Variants in CREG2 observed in about 807,000 individuals in gnomAD.
The protein encoded by CREG2 is protein CREG2.
CREG2 carries 24 observed loss-of-function variants against 26.2 expected under a neutral mutation model. The observed-to-expected ratio is 0.92, with a 90% CI of 0.66 to 1.29. The LOEUF (loss-of-function observed/expected upper bound fraction) is 1.29. Among genes scored for constraint, CREG2 ranks in the 50% most tolerant of loss-of-function variants. The pLI is 0.00. For synonymous variants in CREG2, 174 were observed against 169.2 expected (o/e 1.03, Z -0.22); for missense variants, 366 against 398.6 (o/e 0.92, Z 0.70).
chr2:101,383,794 C>T (rs1335390150), intron 1 of CREG2, 92 bp from the exon 2 acceptor site: 25 of 1,209,282 alleles, frequency 2.1e-5, no homozygotes, highest in Non-Finnish European at 2.8e-5. Flanking sequence ...GGAAATACAA[C>T]ACCAGGGATG....
chr2:101,365,126 TGGCAGCAGAGAGGAAAATGGTGA>T (rs1684600883), intron 2 of CREG2, among the ~76,000 whole-genome samples: 1 of 152,308 alleles, frequency 6.6e-6, no homozygotes, highest in South Asian at 2.1e-4. Flanking sequence ...AACAAGAGGA[TGGCAGCAGAGAGGAAAATGGTGA>T]GGCCTGCAGC....
At chr2:101,355,762 C>T (rs1167212870) in intron 2 of CREG2, among the ~76,000 whole-genome samples, 1 of 152,034 alleles carries the variant, frequency 6.6e-6, no homozygotes, top group Non-Finnish European at 1.5e-5. Flanking sequence ...GGGGAGTACA[C>T]AGGTGAGCAG....
chr2:101,353,844 C>T (rs1036258662), intron 3 of CREG2, among the ~76,000 whole-genome samples: 2 of 152,156 alleles, frequency 1.3e-5, no homozygotes, highest in Admixed American at 6.5e-5. Flanking sequence ...AGCCATCATC[C>T]TCAGCAAACT....
At chr2:101,382,435 A>G (rs1684890941) in intron 2 of CREG2, 1 of 962,078 alleles carries the variant, frequency 1.0e-6, no homozygotes, top group Non-Finnish European at 1.2e-6. Flanking sequence ...TCGAAAAAAA[A>G]AAAAAAAGAG....
At chr2:101,357,640 T>C (rs1165921538) in intron 2 of CREG2, among the ~76,000 whole-genome samples, 5 of 152,128 alleles carry the variant, frequency 3.3e-5, no homozygotes, top group Non-Finnish European at 7.4e-5. Flanking sequence ...GTAGTAAGAT[T>C]TGTTAATTTT....
chr2:101,355,404 G>T (rs1230438924), intron 2 of CREG2, 38 bp from the exon 3 acceptor site: 3 of 1,311,400 alleles, frequency 2.3e-6, no homozygotes. Flanking sequence ...TCAGAACAAG[G>T]ACAGAACATC....
chr2:101,364,533 TGTGTCAAATAAGTATGG>T (rs1219458779), intron 2 of CREG2, among the ~76,000 whole-genome samples: 3 of 152,210 alleles, frequency 2.0e-5, no homozygotes, highest in East Asian at 3.8e-4. Flanking sequence ...GATTTCGTAC[TGTGTCAAATAAGTATGG>T]GTGTCATCTG....
intron 2 of CREG2, among the ~76,000 whole-genome samples, chr2:101,366,508 G>A (rs1684619957): frequency 6.6e-6 from 1 of 151,284 alleles, no homozygotes; most frequent in African/African-American, 2.4e-5. Flanking sequence ...GAAAAAAAAA[G>A]CTACAGTACA....
chr2:101,383,290 A>G (rs529622855), intron 2 of CREG2, among the ~76,000 whole-genome samples: 33 of 152,302 alleles, frequency 2.2e-4, no homozygotes, highest in African/African-American at 7.7e-4. Context: ...TAACCCTCGG[A>G]GGCAAAGATT....
At chr2:101,386,174 G>A (rs942927823) in intron 1 of CREG2, among the ~76,000 whole-genome samples, 8 of 152,242 alleles carry the variant, frequency 5.3e-5, no homozygotes, top group African/African-American at 1.9e-4. Context: ...GGAAAGCAAA[G>A]TGGAGAAGCC....
intron 3 of CREG2, among the ~76,000 whole-genome samples, chr2:101,353,006 C>T (rs1684405660): frequency 6.6e-6 from 1 of 152,166 alleles, no homozygotes; most frequent in South Asian, 2.1e-4. Context: ...AAGGGATCTA[C>T]ATTATGTAGT....
intron 2 of CREG2, among the ~76,000 whole-genome samples, chr2:101,376,898 A>G (rs2104482895): frequency 6.6e-6 from 1 of 152,314 alleles, no homozygotes; most frequent in East Asian, 1.9e-4. Context: ...GTCAGTAGAC[A>G]CCAGCTAGAC....
chr2:101,379,432 G>A (rs1019111615), intron 2 of CREG2, among the ~76,000 whole-genome samples: 1 of 152,192 alleles, frequency 6.6e-6, no homozygotes, highest in Non-Finnish European at 1.5e-5. Context: ...AATTACATCT[G>A]CTGAGCATTT....
chr2:101,379,921 C>A (rs1684845655), intron 2 of CREG2, among the ~76,000 whole-genome samples: 1 of 152,096 alleles, frequency 6.6e-6, no homozygotes, highest in African/African-American at 2.4e-5. Context: ...GCAGGGGCAA[C>A]TGTAATATTC....
chr2:101,370,465 G>A (rs1447493476), intron 2 of CREG2, among the ~76,000 whole-genome samples: 1 of 152,176 alleles, frequency 6.6e-6, no homozygotes. Flanking sequence ...TAGGGTGAAG[G>A]AGATTGAGAA....
Position 101,383,569 on chromosome 2 carries a change from G to T in CREG2, c.575C>A (p.Ser192Ter), listed in dbSNP as rs1228932011. ...CCCTTCTGATTCTGGCAGCATCAGCGAGGCCATGGGGTTCTTCATCAGATC... is the reference window on the plus strand; with the variant it reads ...CCCTTCTGATTCTGGCAGCATCAGCTAGGCCATGGGGTTCTTCATCAGATC... The part of the protein sequence containing the change: ...VADLMKNPMA[S>*]LMLPESEGEF... The change falls in exon 2 of 4, where the codon TCG becomes TAG. Residue 192 changes from serine (S) to a stop codon, truncating the protein, a stop_gained. Transcript: ENST00000324768. LOFTEE classifies it high-confidence loss of function. The T allele has an allele frequency of 1.9e-6, 3 of 1,613,988 alleles. No homozygotes were observed. The highest frequency in any genetic ancestry group is 2.5e-6 in the Non-Finnish European group (3 of 1,180,042).
rs115746041 is a variant in CREG2 at position 101,382,720 on chromosome 2, C to T, written c.611+813G>A. 3,401 of 985,296 alleles carry T rather than the reference C, an allele frequency of 3.5e-3. 92 individuals are homozygous for T. In the African/African-American group the frequency reaches 0.054, roughly 16 times the overall value. The allele number at this position is 985,296 out of a possible 1,614,324, so 61.0% of individuals were successfully genotyped here. A position where few individuals can be genotyped will look rare whatever the true frequency, so the allele number is the denominator to read the frequency against. On this transcript the variant is annotated intron_variant, in intron 2 of 3. Transcript: ENST00000324768. ...TACATTGTTTGGTTATTATGTTTTC[C>T]GTGCTGTGCATAAAGAATAATAGAA...
rs748505516 is a variant in CREG2 at position 101,355,300 on chromosome 2, T to C, written c.678A>G (p.Ala226=). The C allele has an allele frequency of 6.2e-7, 1 of 1,614,062 alleles. No individual in the cohort carries two copies. The stretch of plus-strand genomic sequence containing the variant: ...CAAATTCTACTTCTTCTGGAGACAC[T>C]GCGATCATCTGGCCAGTGAGCGTTA... The part of the protein sequence containing the change: ...VQLTLTGQMI[A]VSPEEVEFAK... The change falls in exon 3 of 4, where the codon GCA becomes GCG. Residue 226 remains alanine, a synonymous_variant. Coordinates refer to ENST00000324768, the MANE Select transcript of CREG2 (RefSeq NM_153836.4).
intron 2 of CREG2, chr2:101,382,174 T>A (rs905979478): frequency 3.9e-5 from 6 of 152,026 alleles, no homozygotes; most frequent in Non-Finnish European, 8.8e-5. Context: ...GTATCCTGGA[T>A]TGGAAGGCCG....
Sources: gnomAD v4.1 joint callset for allele counts (sites outside exome capture counted in the v4.1 genomes callset) on GRCh38, gnomAD v4.1.1 for gene constraint, MANE v1.5 for transcripts, NCBI Gene and HGNC (gene_info 2026-07-23, HGNC 2026-07-21) for gene names.